WAC: variants seen among roughly 807,000 people sequenced by gnomAD.
WAC encodes WW domain containing adaptor with coiled-coil, also known as WW domain-containing adapter protein with coiled-coil.
In WAC, 11 loss-of-function variants were observed where a neutral mutation model predicts 79.6. The observed-to-expected ratio is 0.14, with a 90% CI of 0.09 to 0.23. The LOEUF is 0.23. Ranked by LOEUF, WAC falls within the 10% of genes least tolerant of loss-of-function variation. The probability of loss-of-function intolerance (pLI) is 1.00; values close to 1 mark genes in which losing one functional copy is unlikely to be tolerated. For synonymous variants in WAC, 304 were observed against 276.9 expected (o/e 1.10, Z -0.97); for missense variants, 728 against 773.5 (o/e 0.94, Z 0.70).
intron 6 of WAC, among the ~76,000 whole-genome samples, chr10:28,595,221 G>A (rs1426452213): frequency 6.6e-6 from 1 of 152,206 alleles, no homozygotes; most frequent in African/African-American, 2.4e-5. Context: ...CTTATAAACT[G>A]CTTTAGAGGC....
chr10:28,611,432 C>T (rs937224466), intron 9 of WAC: 17 of 1,312,324 alleles, frequency 1.3e-5, no homozygotes, highest in Non-Finnish European at 1.6e-5. Flanking sequence ...CAGGAGACTG[C>T]GTGGGATACC....
Position 28,622,150 on chromosome 10 carries a change from T to G in WAC, c.*2544T>G, listed in dbSNP as rs1169790730. 1 of 152,280 alleles carries G rather than the reference T, an allele frequency of 6.6e-6. No individual in the cohort carries two copies. The highest frequency in any genetic ancestry group is 1.5e-5 in the Non-Finnish European group (1 of 68,084). The allele number at this position is 152,280 out of a possible 1,614,324, so 9.4% of individuals were successfully genotyped here. ...CCTTGGCCTCCCAAAGTGCTGGGAT[T>G]ACAGGCGTGAGCCACCGCTCCTGGC... On this transcript the variant is annotated 3_prime_UTR_variant, in exon 14 of 14. Transcript: ENST00000354911.
chr10:28,565,194 T>G (rs770787394), intron 3 of WAC, among the ~76,000 whole-genome samples: 5 of 152,240 alleles, frequency 3.3e-5, no homozygotes, highest in African/African-American at 4.8e-5. Context: ...TCCCACAATT[T>G]GTTTAACCAT....
chr10:28,568,617 G>C (rs908503935), intron 3 of WAC, among the ~76,000 whole-genome samples: 1 of 152,004 alleles, frequency 6.6e-6, no homozygotes, highest in East Asian at 1.9e-4. Context: ...ATATGTATAC[G>C]TGTTCCATCA....
chr10:28,594,664 T>C (rs543578394), intron 6 of WAC, among the ~76,000 whole-genome samples: 6 of 152,176 alleles, frequency 3.9e-5, no homozygotes, highest in Non-Finnish European at 8.8e-5. Flanking sequence ...TGTTCCTCCT[T>C]CGTTGTTTTG....
At chr10:28,556,376 G>A (rs1054923863) in intron 3 of WAC, among the ~76,000 whole-genome samples, 16 of 87,564 alleles carry the variant, frequency 1.8e-4, no homozygotes, top group African/African-American at 6.2e-4. Context: ...ATTCAATTTC[G>A]TTGCCCATTA....
intron 2 of WAC, 30 bp downstream of exon 2, chr10:28,534,064 G>T: frequency 6.4e-7 from 1 of 1,562,626 alleles, no homozygotes; most frequent in Non-Finnish European, 8.6e-7. Flanking sequence ...TGGAGGGATT[G>T]GAAGGGGCCG....
intron 3 of WAC, among the ~76,000 whole-genome samples, chr10:28,581,923 T>C (rs1335600923): frequency 1.3e-5 from 2 of 152,118 alleles, no homozygotes; most frequent in African/African-American, 4.8e-5. Flanking sequence ...TAAAAGGGGG[T>C]TTAGGGTATT....
At chr10:28,609,301 T>C (rs1445938715) in intron 8 of WAC, among the ~76,000 whole-genome samples, 1 of 152,172 alleles carries the variant, frequency 6.6e-6, no homozygotes, top group Non-Finnish European at 1.5e-5. Flanking sequence ...AGACGGAGGT[T>C]GCAGTGAGCT....
chr10:28,617,652 T>C lies in WAC; in HGVS notation c.1747-5T>C. ...TTTATGTTTTCTTCATTTCTTTAAT[T>C]ACAGGCATCAAGATTACGCGAAGAA... On this transcript the variant is annotated splice_region_variant and splice_polypyrimidine_tract_variant and intron_variant, in intron 12 of 13. Coordinates refer to ENST00000354911, the MANE Select transcript of WAC (RefSeq NM_016628.5). 1.3e-6 allele frequency: 2 copies of C among 1,548,574 alleles called. No homozygotes were observed. Among genetic ancestry groups the C allele is most frequent in the Non-Finnish European group, 1.7e-6 (2 of 1,157,856 alleles).
chr10:28,587,596 A>G (rs1839886812), intron 4 of WAC, among the ~76,000 whole-genome samples: 1 of 152,224 alleles, frequency 6.6e-6, no homozygotes, highest in Non-Finnish European at 1.5e-5. Context: ...TAAGTCCTCA[A>G]TATTAGTTAC....
chr10:28,581,489 T>C (rs1371323481), intron 3 of WAC, among the ~76,000 whole-genome samples: 1 of 152,086 alleles, frequency 6.6e-6, no homozygotes, highest in East Asian at 1.9e-4. Context: ...AGAAAGCCTT[T>C]CTAAAGATAG....
chr10:28,561,923 C>T (rs554731853), intron 3 of WAC, among the ~76,000 whole-genome samples: 11 of 152,134 alleles, frequency 7.2e-5, no homozygotes, highest in Non-Finnish European at 1.2e-4. Flanking sequence ...AACACCTTCC[C>T]AACCACCCTC....
At chr10:28,616,401 T>G (rs747909234) in intron 12 of WAC, 39 bp downstream of exon 12, 90 of 1,431,228 alleles carry the variant, frequency 6.3e-5, no homozygotes, top group Non-Finnish European at 7.1e-5. Context: ...TTTGGATGAT[T>G]AGCAAAACAG....
chr10:28,536,619 T>C (rs537437439), intron 3 of WAC, among the ~76,000 whole-genome samples: 2 of 152,356 alleles, frequency 1.3e-5, no homozygotes, highest in African/African-American at 2.4e-5. Context: ...CATTGAAATA[T>C]TCTTTTTAAA....
intron 11 of WAC, 124 bp downstream of exon 11, chr10:28,614,809 C>G: frequency 3.7e-6 from 3 of 800,356 alleles, no homozygotes; most frequent in Non-Finnish European, 5.8e-6. Context: ...CTAAAGTAGG[C>G]TTACATGTTG....
At chr10:28,587,375 C>T (rs759116042) in intron 4 of WAC, among the ~76,000 whole-genome samples, 2 of 152,136 alleles carry the variant, frequency 1.3e-5, no homozygotes, top group Non-Finnish European at 2.9e-5. Flanking sequence ...TGTTGAGCCT[C>T]TGGGTAAACT....
At chr10:28,571,203 T>TA (rs1245388688) in intron 3 of WAC, among the ~76,000 whole-genome samples, 1 of 152,146 alleles carries the variant, frequency 6.6e-6, no homozygotes, top group Non-Finnish European at 1.5e-5. Flanking sequence ...GTGCTGGAAT[T>TA]ACAGGCGTGA....
rs151310525 is a variant in WAC, at chr10:28,610,892, T to C, written c.1288+71T>C. ...TGTTTTGGAATTAATAGCCCTTTTT[T>C]GTATTTAGTTTTTTCTTTCATTTTT... On this transcript the variant is annotated intron_variant, in intron 9 of 13. Transcript: ENST00000354911. 17 of 1,450,542 alleles carry C rather than the reference T, an allele frequency of 1.2e-5. No homozygotes were observed. In the African/African-American group the frequency reaches 2.4e-4, roughly 21 times the overall value. The allele number at this position is 1,450,542 out of a possible 1,614,324, so 89.9% of individuals were successfully genotyped here.
Sources: allele counts gnomAD v4.1 joint callset (sites outside exome capture counted in the v4.1 genomes callset), GRCh38; gene constraint gnomAD v4.1.1; transcripts MANE v1.5; gene names NCBI Gene and HGNC (gene_info 2026-07-23, HGNC 2026-07-21).